The following GRM3 variants were observed in gnomAD, a reference collection of about 807,000 sequenced individuals.
GRM3 encodes metabotropic glutamate receptor 3.
A neutral mutation model predicts 70.5 loss-of-function variants in GRM3; 26 were observed. The ratio of observed to expected loss-of-function variants is 0.37; its 90% CI spans 0.27 to 0.51. The LOEUF (loss-of-function observed/expected upper bound fraction) is 0.51. GRM3 is among the 20% of genes least tolerant of loss of function. The pLI, the probability that GRM3 is intolerant of heterozygous loss-of-function variation, is 0.93. For missense variants in GRM3, 859 were observed against 1,123.8 expected, an observed-to-expected ratio of 0.76 and a Z score of 3.37; for synonymous variants, 443 against 434.9, an observed-to-expected ratio of 1.02 and a Z score of -0.23.
At chr7:86,848,795 C>G (rs1023453143) in intron 4 of GRM3, among the ~76,000 whole-genome samples, 2 of 152,126 alleles carry the variant, frequency 1.3e-5, no homozygotes, top group African/African-American at 4.8e-5. Context: ...GCCAATAGAG[C>G]AACTAGCCTT....
chr7:86,699,196 T>C (rs1794895996), intron 1 of GRM3, among the ~76,000 whole-genome samples: 1 of 152,048 alleles, frequency 6.6e-6, no homozygotes, highest in South Asian at 2.1e-4. Context: ...TGAAATCGGA[T>C]CAACTACCTT....
At chr7:86,857,281 G>A (rs2115597276) in intron 5 of GRM3, among the ~76,000 whole-genome samples, 1 of 152,220 alleles carries the variant, frequency 6.6e-6, no homozygotes, top group Non-Finnish European at 1.5e-5. Flanking sequence ...GGCCAAGCAA[G>A]TTAGGTTTGA....
chr7:86,740,387 C>A (rs1305516951), intron 1 of GRM3, among the ~76,000 whole-genome samples: 1 of 151,832 alleles, frequency 6.6e-6, no homozygotes, highest in African/African-American at 2.4e-5. Context: ...AATGAGATAA[C>A]AAGAAGCCCA....
chr7:86,754,034 A>C (rs1041892386), intron 1 of GRM3, among the ~76,000 whole-genome samples: 12 of 152,232 alleles, frequency 7.9e-5, no homozygotes, highest in African/African-American at 2.9e-4. Context: ...GAACTGAAAA[A>C]ATATGTTCTA....
At chr7:86,838,650 A>G (rs771272207) in intron 3 of GRM3, among the ~76,000 whole-genome samples, 189 bp from the exon 4 acceptor site, 1 of 152,200 alleles carries the variant, frequency 6.6e-6, no homozygotes, top group Non-Finnish European at 1.5e-5. Context: ...TGGTAAGTGA[A>G]TGAATGTATA....
Position 86,839,162 on chromosome 7 carries a change from G to C in GRM3, c.1648G>C (p.Gly550Arg). The part of the protein sequence containing the change: ...LADEFTCMDC[G>R]SGQWPTADLT... Reference sequence around the variant, plus strand: ...TGATGAGTTTACCTGTATGGATTGTGGGTCTGGACAGTGGCCCACTGCAGA... The same window carrying C: ...TGATGAGTTTACCTGTATGGATTGTCGGTCTGGACAGTGGCCCACTGCAGA... Residue 550 changes from glycine to arginine, a missense_variant, in exon 4 of 6, where the codon GGG (glycine) becomes CGG (arginine). By Grantham distance (125) the Gly-to-Arg change is moderately radical. Transcript: ENST00000361669. This position sits in a 1 kb window ranked among gnomAD's most constrained non-coding sequence, Gnocchi z 4.5. The C allele has an allele frequency of 6.2e-7, 1 of 1,613,952 alleles. No individual in the cohort carries two copies. Among genetic ancestry groups the C allele is most frequent in the Non-Finnish European group, 8.5e-7 (1 of 1,179,820 alleles).
intron 3 of GRM3, among the ~76,000 whole-genome samples, chr7:86,792,360 A>C (rs565752417): frequency 6.6e-6 from 1 of 152,284 alleles, no homozygotes; most frequent in African/African-American, 2.4e-5. Context: ...ACTGGAGTAT[A>C]CCCAATTTGA....
At position 86,839,591 on chromosome 7, in the gene GRM3, C is replaced by A. The variant is rs1447313554; in HGVS notation, c.2077C>A (p.Leu693Met). 1.2e-6 allele frequency: 2 copies of A among 1,613,802 alleles called. No individual in the cohort carries two copies. Among genetic ancestry groups the A allele is most frequent in the Non-Finnish European group, 1.7e-6 (2 of 1,179,870 alleles). The change falls in exon 4 of 6, where the codon CTG becomes ATG. Residue 693 changes from leucine to methionine, a missense_variant. Transcript: ENST00000361669. This position sits in a 1 kb window ranked among gnomAD's most constrained non-coding sequence, Gnocchi z 4.5. ...CCCCAGTTCTCAGGTTTTCATCTGC[C>A]TGGGTCTGATCCTGGTGCAAATTGT... ...ISPSSQVFICLGLILVQIVMV... is the reference protein window; with the variant it reads ...ISPSSQVFICMGLILVQIVMV...
intron 1 of GRM3, among the ~76,000 whole-genome samples, chr7:86,653,750 C>T (rs373926248): frequency 4.6e-5 from 7 of 151,724 alleles, no homozygotes; most frequent in African/African-American, 1.7e-4. Context: ...TACTGATATT[C>T]TTATTAGAAA....
intron 1 of GRM3, among the ~76,000 whole-genome samples, chr7:86,732,710 A>G (rs1795763149): frequency 6.6e-6 from 1 of 152,232 alleles, no homozygotes; most frequent in African/African-American, 2.4e-5. Flanking sequence ...TCCAATGGTC[A>G]TAGGGGTAGC....
intron 1 of GRM3, among the ~76,000 whole-genome samples, chr7:86,708,201 C>T (rs763964352): frequency 3.3e-5 from 5 of 152,092 alleles, no homozygotes; most frequent in African/African-American, 7.2e-5. Context: ...GGGCCATATG[C>T]CAAGCACCAT....
At chr7:86,678,471 GGAA>G (rs1794360516) in intron 1 of GRM3, among the ~76,000 whole-genome samples, 1 of 151,976 alleles carries the variant, frequency 6.6e-6, no homozygotes, top group African/African-American at 2.4e-5. Context: ...AAATCACATT[GGAA>G]GTAGAACACA....
chr7:86,820,522 T>C lies in GRM3; in HGVS notation c.1325-18317T>C, dbSNP rs578028660. Among the ~76,000 whole-genome samples the C allele has an allele frequency of 6.6e-5, 10 of 152,302 alleles. No homozygotes were observed. The East Asian group carries it at 1.7e-3, about 26-fold the overall frequency. Reference sequence around the variant, plus strand: ...CTTCACTTACAAATGTTTTTCAGTTTTCTGATGAAAGCTTTGTAGTATTAA... The same window carrying C: ...CTTCACTTACAAATGTTTTTCAGTTCTCTGATGAAAGCTTTGTAGTATTAA... On this transcript the variant is annotated intron_variant, in intron 3 of 5. Transcript: ENST00000361669.
intron 5 of GRM3, among the ~76,000 whole-genome samples, chr7:86,858,551 A>T (rs1352365410): frequency 6.6e-6 from 1 of 152,172 alleles, no homozygotes; most frequent in Non-Finnish European, 1.5e-5. Context: ...TACAGCAGGA[A>T]GGCCCTCACC....
At chr7:86,718,065 G>A (rs1795364098) in intron 1 of GRM3, among the ~76,000 whole-genome samples, 1 of 151,920 alleles carries the variant, frequency 6.6e-6, no homozygotes, top group South Asian at 2.1e-4. Flanking sequence ...TGTTTTATAA[G>A]CAAAATTAAT....
At chr7:86,711,036 C>T (rs1373513004) in intron 1 of GRM3, among the ~76,000 whole-genome samples, 1 of 152,046 alleles carries the variant, frequency 6.6e-6, no homozygotes, top group Non-Finnish European at 1.5e-5. Flanking sequence ...CCTGGCTCTA[C>T]CATGTAGTAG....
At chr7:86,846,625 T>C (rs929843467) in intron 4 of GRM3, among the ~76,000 whole-genome samples, 3 of 152,188 alleles carry the variant, frequency 2.0e-5, no homozygotes, top group African/African-American at 7.2e-5. Flanking sequence ...AAGGCATCAG[T>C]CTAGCAGCTG....
chr7:86,691,155 C>T (rs1341864350), intron 1 of GRM3, among the ~76,000 whole-genome samples: 1 of 152,118 alleles, frequency 6.6e-6, no homozygotes, highest in East Asian at 1.9e-4. Flanking sequence ...CAAGTCTTAT[C>T]CTTACCTCCA....
At chr7:86,675,002 A>G (rs1289918776) in intron 1 of GRM3, among the ~76,000 whole-genome samples, 3 of 152,060 alleles carry the variant, frequency 2.0e-5, no homozygotes, top group Non-Finnish European at 4.4e-5. Flanking sequence ...ATATCTGTAA[A>G]ATAACTTTTC....
Sources: allele counts gnomAD v4.1 joint callset (sites outside exome capture counted in the v4.1 genomes callset), GRCh38; gene constraint gnomAD v4.1.1; non-coding constraint Gnocchi (gnomAD v3.1); transcripts MANE v1.5; gene names NCBI Gene and HGNC (gene_info 2026-07-23, HGNC 2026-07-21).